The following KIAA0586 variants were observed in gnomAD, a reference collection of about 807,000 sequenced individuals.
The protein encoded by KIAA0586 is KIAA0586, also known as protein TALPID3.
KIAA0586 carries 144 observed loss-of-function variants against 169.8 expected under a neutral mutation model. The ratio of observed to expected loss-of-function variants is 0.85; its 90% CI spans 0.74 to 0.97. KIAA0586 has a LOEUF of 0.97. KIAA0586 is among the 50% of genes least tolerant of loss of function. The pLI is 0.00. For synonymous variants in KIAA0586, 625 were observed against 612.4 expected, an observed-to-expected ratio of 1.02 and a Z score of -0.30; for missense variants, 1,854 against 1,823.0, an observed-to-expected ratio of 1.02 and a Z score of -0.31.
At chr14:58,484,880 ATATATATATT>A (rs1250944473) in intron 21 of KIAA0586, among the ~76,000 whole-genome samples, 8 of 51,804 alleles carry the variant, frequency 1.5e-4, no homozygotes, top group African/African-American at 5.1e-4. Context: ...TATATATATT[ATATATATATT>A]TATATATATA....
chr14:58,504,126 T>A (rs2141370526), intron 27 of KIAA0586, among the ~76,000 whole-genome samples: 1 of 152,320 alleles, frequency 6.6e-6, no homozygotes, highest in East Asian at 1.9e-4. Flanking sequence ...TACCTTTTAT[T>A]TAGCAAGATC....
intron 28 of KIAA0586, among the ~76,000 whole-genome samples, chr14:58,511,937 A>G (rs75060667): frequency 0.026 from 3,996 of 152,290 alleles, 191 homozygotes; most frequent in African/African-American, 0.091. Context: ...GTGATGTGTG[A>G]TTACGAAGAG....
At position 58,488,063 on chromosome 14, in the gene KIAA0586, G is replaced by T. The variant is rs746158069; in HGVS notation, c.3481G>T (p.Glu1161Ter). The change falls in exon 23 of 31, where the codon GAA becomes TAA. Residue 1161 changes from glutamate to a stop codon, truncating the protein, a stop_gained. Coordinates refer to ENST00000652326, the MANE Select transcript of KIAA0586 (RefSeq NM_001329943.3). LOFTEE classifies it high-confidence loss of function. Reference protein sequence around the residue: ...PWGDGDLPLEEENPNSPQEEL... With the variant: ...PWGDGDLPLE ...GGGTGATGGAGACCTGCCACTGGAA[G>T]AAGAGAACCCTAACTCACCTCAAGA... 6.2e-7 allele frequency: 1 copy of T among 1,609,836 alleles called. No homozygotes were observed. The highest frequency in any genetic ancestry group is 2.2e-5 in the East Asian group (1 of 44,684).
At chr14:58,504,330 G>C (rs2043785227) in intron 27 of KIAA0586, among the ~76,000 whole-genome samples, 1 of 152,132 alleles carries the variant, frequency 6.6e-6, no homozygotes, top group Non-Finnish European at 1.5e-5. Flanking sequence ...GAAGCAGAAA[G>C]TCTAAGAAAT....
Position 58,434,195 on chromosome 14 carries a change from A to C in KIAA0586, c.410+1738A>C, listed in dbSNP as rs368148235. ...AGTCAGAAAACTGGTGAGAGAATGCATGTTAGAAGTAAAAAGAGGACATAA... is the reference window on the plus strand; with the variant it reads ...AGTCAGAAAACTGGTGAGAGAATGCCTGTTAGAAGTAAAAAGAGGACATAA... On this transcript the variant is annotated intron_variant, in intron 4 of 30. Coordinates refer to ENST00000652326, the MANE Select transcript of KIAA0586 (RefSeq NM_001329943.3). 2.6e-5 allele frequency among the ~76,000 whole-genome samples: 4 copies of C among 152,336 alleles called. 1 individual carries two copies.
At chr14:58,507,256 G>A (rs1195267436) in intron 27 of KIAA0586, among the ~76,000 whole-genome samples, 1 of 111,352 alleles carries the variant, frequency 9.0e-6, no homozygotes, top group East Asian at 2.6e-4. Context: ...TATAAATCAT[G>A]TATGATTTAT....
chr14:58,500,075 A>G (rs1168320350), intron 27 of KIAA0586, among the ~76,000 whole-genome samples: 1 of 152,202 alleles, frequency 6.6e-6, no homozygotes, highest in Non-Finnish European at 1.5e-5. Flanking sequence ...GAGAATACCA[A>G]TCACTAGCAT....
chr14:58,428,098 A>C lies in KIAA0586; in HGVS notation c.-167A>C. 6.9e-7 allele frequency: 1 copy of C among 1,455,464 alleles called. No homozygotes were observed. Among genetic ancestry groups the C allele is most frequent in the African/African-American group, 1.4e-5 (1 of 69,948 alleles). The allele number at this position is 1,455,464 out of a possible 1,614,324, so 90.2% of individuals were successfully genotyped here. A position where few individuals can be genotyped will look rare whatever the true frequency, so the allele number is the denominator to read the frequency against. ...AATGGGTAAATATGACTTTATAGTC[A>C]GCTCTAATCCTGGATTCAATATCAG... On this transcript the variant is annotated 5_prime_UTR_variant, in exon 1 of 31. Coordinates refer to ENST00000652326, the MANE Select transcript of KIAA0586 (RefSeq NM_001329943.3).
intron 4 of KIAA0586, 139 bp downstream of exon 4, chr14:58,432,596 G>C (rs1351503149): frequency 9.6e-6 from 5 of 523,224 alleles, no homozygotes; most frequent in Non-Finnish European, 1.7e-5. Context: ...CATGGTGCTA[G>C]ACACGTATAA....
chr14:58,478,536 T>A (rs1566864798), intron 20 of KIAA0586, among the ~76,000 whole-genome samples: 2 of 152,236 alleles, frequency 1.3e-5, no homozygotes, highest in East Asian at 3.9e-4. Flanking sequence ...CTTGCTATAT[T>A]GCCCAGGCTA....
In KIAA0586 at chr14:58,454,433, GA is replaced by G. The variant is rs1465546854; in HGVS notation, c.1253+964del. Among the ~76,000 whole-genome samples, 6 of 152,214 alleles carry G rather than the reference GA, an allele frequency of 3.9e-5. No individual in the cohort carries two copies. In the East Asian group the frequency reaches 9.6e-4, roughly 24 times the overall value. On this transcript the variant is annotated intron_variant, in intron 9 of 30. Coordinates refer to ENST00000652326, the MANE Select transcript of KIAA0586 (RefSeq NM_001329943.3). ...AGCTCTTTTAAATCAGATAGGAAAA[GA>G]AAAGAGATATGAACAAAAATACATA...
In KIAA0586 at chr14:58,487,073, A is replaced by G. The variant is rs1272638490; in HGVS notation, c.3211A>G (p.Lys1071Glu). Residue 1071 changes from lysine (K) to glutamate (E), a missense_variant, in exon 22 of 31, where the codon AAG (lysine) becomes GAG (glutamate). By Grantham distance (56) the Lys-to-Glu change is moderately conservative (BLOSUM62 1). Coordinates refer to ENST00000652326, the MANE Select transcript of KIAA0586 (RefSeq NM_001329943.3). ...TPPCSPSSPA[K>E]ECVLVKTPDS... is the part of the protein sequence containing the mutation. The stretch of plus-strand genomic sequence containing the variant: ...TCCTTGCTCACCTTCATCACCTGCT[A>G]AGGAGTGTGTTTTGGTAAAGACTCC... 1.2e-6 allele frequency: 2 copies of G among 1,613,344 alleles called. No homozygotes were observed. Among genetic ancestry groups the G allele is most frequent in the African/African-American group, 2.7e-5 (2 of 74,922 alleles).
intron 4 of KIAA0586, among the ~76,000 whole-genome samples, chr14:58,442,243 A>G (rs975407370): frequency 6.6e-6 from 1 of 151,920 alleles, no homozygotes; most frequent in Non-Finnish European, 1.5e-5. Flanking sequence ...CTGAGTGGCT[A>G]GGACTACAGG....
chr14:58,494,036 C>T (rs563429664), intron 26 of KIAA0586, among the ~76,000 whole-genome samples: 145 of 152,082 alleles, frequency 9.5e-4, no homozygotes, highest in African/African-American at 3.1e-3. Flanking sequence ...TGTATTTATT[C>T]GTGCAATTGT....
At chr14:58,470,894 C>G (rs942915105) in intron 17 of KIAA0586, among the ~76,000 whole-genome samples, 171 bp downstream of exon 17, 30 of 152,154 alleles carry the variant, frequency 2.0e-4, no homozygotes, top group Non-Finnish European at 4.3e-4. Flanking sequence ...CTCTGTCGCC[C>G]AGGCTGGAGT....
At chr14:58,441,668 G>A (rs1248017362) in intron 4 of KIAA0586, among the ~76,000 whole-genome samples, 4 of 152,100 alleles carry the variant, frequency 2.6e-5, no homozygotes, top group East Asian at 1.9e-4. Context: ...GAGTCTCGCT[G>A]TGTCACCCAG....
rs2140843404 is a variant in KIAA0586 at position 58,457,765 on chromosome 14, G to C, written c.1369G>C (p.Glu457Gln). The part of the protein sequence containing the change: ...KETNSMVQPK[E>Q]SLSMLKLPDL... ...GGTCTTTTTTTCTTTTAAGCCAAAA[G>C]AATCTCTGAGTATGTTGAAGCTTCC... The change falls in exon 11 of 31, where the codon GAA becomes CAA. Residue 457 changes from glutamate to glutamine, a missense_variant. Physicochemically the swap from Glu to Gln is conservative, Grantham distance 29. Transcript: ENST00000652326. 4 of 1,580,966 alleles carry C rather than the reference G, an allele frequency of 2.5e-6. No individual in the cohort carries two copies. The highest frequency in any genetic ancestry group is 3.4e-6 in the Non-Finnish European group (4 of 1,165,878).
chr14:58,531,275 C>T (rs1325920937), intron 29 of KIAA0586, among the ~76,000 whole-genome samples: 1 of 148,984 alleles, frequency 6.7e-6, no homozygotes, highest in East Asian at 2.0e-4. Context: ...TGCAGTGAGC[C>T]GAGATTGCAC....
In KIAA0586 at chr14:58,465,967, G is replaced by A. The variant is rs2040732428; in HGVS notation, c.2192G>A (p.Arg731Lys). 1 of 1,613,640 alleles carries A rather than the reference G, an allele frequency of 6.2e-7. No individual in the cohort carries two copies. Among genetic ancestry groups the A allele is most frequent in the Non-Finnish European group, 8.5e-7 (1 of 1,179,684 alleles). The change falls in exon 15 of 31, where the codon AGA (arginine) becomes AAA (lysine). Residue 731 changes from arginine (R) to lysine (K), a missense_variant. Coordinates refer to ENST00000652326, the MANE Select transcript of KIAA0586 (RefSeq NM_001329943.3). The stretch of plus-strand genomic sequence containing the variant: ...CAGCAATATTTGTTCAGCCCAAGTA[G>A]AGAAATGCCTACTTTTTCAGGTACA... ...GDQQYLFSPSREMPTFSGTLE... is the reference protein window; with the variant it reads ...GDQQYLFSPSKEMPTFSGTLE...
Sources: allele counts gnomAD v4.1 joint callset (sites outside exome capture counted in the v4.1 genomes callset), GRCh38; gene constraint gnomAD v4.1.1; transcripts MANE v1.5; gene names NCBI Gene and HGNC (gene_info 2026-07-23, HGNC 2026-07-21).